Variants in EYS observed in about 807,000 individuals in gnomAD.
EYS encodes protein eyes shut homolog.
A neutral mutation model predicts 282.1 loss-of-function variants in EYS; 250 were observed. The observed-to-expected ratio is 0.89, with a 90% CI of 0.80 to 0.98. The LOEUF is 0.98. Among genes scored for constraint, EYS ranks in the 50% least tolerant of loss-of-function variants. The pLI is 0.00. For missense variants in EYS, 4,016 were observed against 3,709.0 expected (o/e 1.08, Z -2.15); for synonymous variants, 1,355 against 1,282.9 (o/e 1.06, Z -1.20).
Position 64,945,857 on chromosome 6 carries a change from T to C in EYS, c.2317A>G (p.Asn773Asp). 2 of 1,549,528 alleles carry C rather than the reference T, an allele frequency of 1.3e-6. No individual in the cohort carries two copies. The highest frequency in any genetic ancestry group is 1.7e-6 in the Non-Finnish European group (2 of 1,145,480). ...WEGNFCEQES[N>D]ECKMNPCKNN... Reference sequence around the variant, plus strand: ...TTGCAAGGATTCATTTTACACTCATTGGATTCTTGTTCACAAAAATTTCCT... The same window carrying C: ...TTGCAAGGATTCATTTTACACTCATCGGATTCTTGTTCACAAAAATTTCCT... The change falls in exon 15 of 43, where the codon AAT (asparagine) becomes GAT (aspartate). Residue 773 changes from asparagine to aspartate, a missense_variant. Physicochemically the swap from Asn to Asp is conservative, Grantham distance 23. Coordinates refer to ENST00000503581, the MANE Select transcript of EYS (RefSeq NM_001142800.2).
At chr6:64,814,547 T>A (rs993515135) in intron 21 of EYS, among the ~76,000 whole-genome samples, 2 of 152,062 alleles carry the variant, frequency 1.3e-5, no homozygotes, top group Admixed American at 1.3e-4. Context: ...TTCTACCATA[T>A]CATACCATAT....
intron 30 of EYS, among the ~76,000 whole-genome samples, chr6:64,261,405 A>G (rs1176631586): frequency 1.3e-5 from 2 of 152,154 alleles, no homozygotes; most frequent in African/African-American, 4.8e-5. Context: ...TTAATCTAAG[A>G]TATAGACACG....
chr6:65,324,580 A>C (rs919282297), intron 11 of EYS, among the ~76,000 whole-genome samples: 1 of 152,114 alleles, frequency 6.6e-6, no homozygotes, highest in Non-Finnish European at 1.5e-5. Context: ...TCGGAAGATC[A>C]CTCTAGCATT....
intron 13 of EYS, among the ~76,000 whole-genome samples, chr6:65,002,326 A>T (rs575413224): frequency 6.8e-6 from 1 of 147,812 alleles, no homozygotes; most frequent in East Asian, 2.1e-4. Flanking sequence ...AAGTGCCAAA[A>T]TCTGGAACAA....
At chr6:64,312,896 C>A (rs983695362) in intron 29 of EYS, among the ~76,000 whole-genome samples, 2 of 144,192 alleles carry the variant, frequency 1.4e-5, no homozygotes, top group Non-Finnish European at 3.1e-5. Flanking sequence ...CATCAAAAAC[C>A]AAAGATAGAT....
chr6:63,890,559 C>A lies in EYS; in HGVS notation c.7056-26201G>T, dbSNP rs111399464. Among the ~76,000 whole-genome samples the A allele has an allele frequency of 4.6e-5, 7 of 152,218 alleles. No individual in the cohort carries two copies. The East Asian group carries it at 1.4e-3, about 29-fold the overall frequency. ...TATTTGAAACCAATGAGAATAAAGA[C>A]ACACTGTACCAGAATCTCTGGGACA... On this transcript the variant is annotated intron_variant, in intron 35 of 42. Coordinates refer to ENST00000503581, the MANE Select transcript of EYS (RefSeq NM_001142800.2).
chr6:64,430,228 C>T (rs1774533436), intron 28 of EYS, among the ~76,000 whole-genome samples: 1 of 152,088 alleles, frequency 6.6e-6, no homozygotes, highest in Non-Finnish European at 1.5e-5. Flanking sequence ...TTTCAGACTG[C>T]TCTGTGTTTT....
intron 8 of EYS, among the ~76,000 whole-genome samples, chr6:65,372,844 C>A (rs572388281): frequency 1.3e-5 from 2 of 152,086 alleles, no homozygotes; most frequent in Non-Finnish European, 2.9e-5. Context: ...TAATAAGGTT[C>A]TGACCTACAG....
chr6:63,839,094 G>T (rs1269601572), intron 36 of EYS, among the ~76,000 whole-genome samples: 1 of 151,972 alleles, frequency 6.6e-6, no homozygotes, highest in Non-Finnish European at 1.5e-5. Flanking sequence ...CTAGCTTTTT[G>T]AAAATATACA....
chr6:64,189,661 G>A (rs185531301), intron 31 of EYS, among the ~76,000 whole-genome samples: 8 of 152,160 alleles, frequency 5.3e-5, no homozygotes, highest in Admixed American at 4.6e-4. Context: ...CATTCAATAA[G>A]TCAAAGGCCT....
intron 29 of EYS, among the ~76,000 whole-genome samples, chr6:64,344,411 A>C (rs1433956506): frequency 1.3e-5 from 2 of 152,048 alleles, no homozygotes; most frequent in Non-Finnish European, 2.9e-5. Context: ...ACATACGAAA[A>C]TCAATAAACG....
chr6:64,802,020 T>TTTG (rs1764249106), intron 22 of EYS, among the ~76,000 whole-genome samples: 5 of 133,480 alleles, frequency 3.7e-5, no homozygotes, highest in African/African-American at 1.6e-4. Context: ...CAAATTTCTT[T>TTTG]TTCTTTTTTT....
intron 30 of EYS, among the ~76,000 whole-genome samples, chr6:64,274,763 C>T (rs1383650603): frequency 6.6e-6 from 1 of 152,014 alleles, no homozygotes; most frequent in Non-Finnish European, 1.5e-5. Context: ...AAGTACCGAA[C>T]TTAGACTCAT....
intron 16 of EYS, among the ~76,000 whole-genome samples, chr6:64,912,124 T>A (rs2150076547): frequency 6.6e-6 from 1 of 152,132 alleles, no homozygotes; most frequent in South Asian, 2.1e-4. Flanking sequence ...TACCCCCAAT[T>A]ATACCTATGC....
chr6:65,317,795 T>TTCCC (rs1769335776), intron 11 of EYS, among the ~76,000 whole-genome samples: 2 of 27,448 alleles, frequency 7.3e-5, no homozygotes, highest in Non-Finnish European at 1.3e-4. Flanking sequence ...CCTTCCTTCC[T>TTCCC]TCCTTCCTTC....
chr6:65,490,838 C>T lies in EYS; in HGVS notation c.749-131G>A, dbSNP rs532200000. 289 of 637,872 alleles carry T rather than the reference C, an allele frequency of 4.5e-4. 2 individuals carry two copies. The highest frequency in any genetic ancestry group is 4.0e-3 in the African/African-American group (215 of 54,246). The allele number at this position is 637,872 out of a possible 1,614,324, so 39.5% of individuals were successfully genotyped here. On this transcript the variant is annotated intron_variant, in intron 4 of 42. Transcript: ENST00000503581. ...ATTTCAGTTATGAAACCATGTTATA[C>T]GATGATGCATTTAAATTGAAATAAA...
At chr6:65,032,622 A>G (rs754219778) in intron 13 of EYS, among the ~76,000 whole-genome samples, 1 of 152,216 alleles carries the variant, frequency 6.6e-6, no homozygotes, top group East Asian at 1.9e-4. Flanking sequence ...GGCAGATGCC[A>G]GCACCATACT....
At chr6:65,241,381 C>T (rs892374346) in intron 12 of EYS, among the ~76,000 whole-genome samples, 2 of 151,996 alleles carry the variant, frequency 1.3e-5, no homozygotes, top group South Asian at 2.1e-4. Context: ...TAAGTATAGG[C>T]TTTTATTCTG....
At chr6:64,574,871 T>C (rs1765831379) in intron 26 of EYS, among the ~76,000 whole-genome samples, 1 of 152,146 alleles carries the variant, frequency 6.6e-6, no homozygotes, top group South Asian at 2.1e-4. Flanking sequence ...GGTATAAATA[T>C]TAAATGATCT....
Sources: allele counts gnomAD v4.1 joint callset (sites outside exome capture counted in the v4.1 genomes callset), GRCh38; gene constraint gnomAD v4.1.1; transcripts MANE v1.5; gene names NCBI Gene and HGNC (gene_info 2026-07-23, HGNC 2026-07-21).